The following TRAPPC12 variants were observed in gnomAD, a reference collection of about 807,000 sequenced individuals.
TRAPPC12 encodes trafficking protein particle complex subunit 12.
TRAPPC12 carries 61 observed loss-of-function variants against 69.2 expected under a neutral mutation model. That is an observed-to-expected ratio of 0.88 (90% confidence interval 0.72 to 1.09). TRAPPC12 has a LOEUF of 1.09. Ranked by LOEUF, TRAPPC12 falls within the 50% of genes least tolerant of loss-of-function variation. The pLI, the probability that TRAPPC12 is intolerant of heterozygous loss-of-function variation, is 0.00. For synonymous variants in TRAPPC12, 469 were observed against 438.9 expected, an observed-to-expected ratio of 1.07 and a Z score of -0.86; for missense variants, 1,101 against 1,016.4, an observed-to-expected ratio of 1.08 and a Z score of -1.13.
chr2:3,430,413 C>T (rs914927886), intron 5 of TRAPPC12, among the ~76,000 whole-genome samples: 6 of 152,216 alleles, frequency 3.9e-5, no homozygotes, highest in Admixed American at 2.6e-4. Flanking sequence ...TACCTCCTGT[C>T]GCAACTGACG....
intron 5 of TRAPPC12, among the ~76,000 whole-genome samples, chr2:3,435,962 C>T (rs550426920): frequency 1.3e-5 from 2 of 152,268 alleles, no homozygotes; most frequent in Admixed American, 6.5e-5. Context: ...TTGATATTAC[C>T]TGATAACCTT....
At chr2:3,387,291 T>A (rs999111644) in intron 1 of TRAPPC12, among the ~76,000 whole-genome samples, 1 of 152,144 alleles carries the variant, frequency 6.6e-6, no homozygotes, top group Non-Finnish European at 1.5e-5. Context: ...AAGACAGTTA[T>A]CGGGTGATTC....
Position 3,388,512 on chromosome 2 carries a change from GC to G in TRAPPC12, c.892del (p.Leu298Ter). ...FAGSDDPFAT[A>X]LSMSEMDRRN... ...AGGGAGTGACGACCCCTTTGCCACC[GC>G]CCTGAGCATGAGCGAGATGGACCGG... On this transcript the variant is annotated frameshift_variant, in exon 2 of 12. Transcript: ENST00000324266. LOFTEE classifies it high-confidence loss of function. 6.2e-7 allele frequency: 1 copy of G among 1,612,952 alleles called. No individual in the cohort carries two copies. Among genetic ancestry groups the G allele is most frequent in the South Asian group, 1.1e-5 (1 of 91,054 alleles).
chr2:3,392,088 T>A (rs1660858211), intron 2 of TRAPPC12, among the ~76,000 whole-genome samples: 1 of 152,106 alleles, frequency 6.6e-6, no homozygotes, highest in Non-Finnish European at 1.5e-5. Context: ...ACAAAAGGGC[T>A]GGGGTGAGCA....
chr2:3,477,154 T>C (rs1290182529), intron 9 of TRAPPC12, among the ~76,000 whole-genome samples: 2 of 152,228 alleles, frequency 1.3e-5, no homozygotes, highest in Non-Finnish European at 2.9e-5. Context: ...CGGCTGCATT[T>C]CAGTCGGGCA....
intron 9 of TRAPPC12, chr2:3,472,372 C>A (rs1407095176): frequency 6.6e-6 from 1 of 152,274 alleles, no homozygotes; most frequent in African/African-American, 2.4e-5. Flanking sequence ...GTACCAGCAT[C>A]CCTCAGGTTG....
intron 8 of TRAPPC12, among the ~76,000 whole-genome samples, 196 bp from the exon 9 acceptor site, chr2:3,465,401 G>A (rs1160144128): frequency 3.4e-5 from 5 of 145,916 alleles, no homozygotes; most frequent in African/African-American, 5.6e-5. Flanking sequence ...TCAGAATCCC[G>A]GCCCGACTGC....
chr2:3,476,976 C>A (rs1237745283), intron 9 of TRAPPC12, among the ~76,000 whole-genome samples: 1 of 152,226 alleles, frequency 6.6e-6, no homozygotes, highest in Non-Finnish European at 1.5e-5. Context: ...TCATTTGTAT[C>A]TATTTCTTAT....
intron 6 of TRAPPC12, chr2:3,456,491 G>A (rs1572188876): frequency 6.6e-6 from 1 of 152,238 alleles, no homozygotes. Flanking sequence ...AAACGTATTT[G>A]GTACGTTAAA....
chr2:3,381,516 G>A (rs572438423), intron 1 of TRAPPC12, among the ~76,000 whole-genome samples: 58 of 152,304 alleles, frequency 3.8e-4, no homozygotes, highest in Non-Finnish European at 4.4e-5. Flanking sequence ...GCACTGTGAT[G>A]TAAAGCTTCT....
intron 3 of TRAPPC12, among the ~76,000 whole-genome samples, chr2:3,402,857 A>G (rs912026451): frequency 1.3e-5 from 2 of 152,180 alleles, no homozygotes; most frequent in African/African-American, 2.4e-5. Context: ...GGGCTGTGGA[A>G]TTGCTCTGCT....
At position 3,421,967 on chromosome 2, in the gene TRAPPC12, C is replaced by T; in HGVS notation, c.1251C>T (p.Leu417=). 5.6e-6 allele frequency: 9 copies of T among 1,613,212 alleles called. No homozygotes were observed. Among genetic ancestry groups the T allele is most frequent in the South Asian group, 1.1e-5 (1 of 90,928 alleles). The change falls in exon 4 of 12, where the codon CTC becomes CTT. Residue 417 remains leucine, a synonymous_variant. Coordinates refer to ENST00000324266, the MANE Select transcript of TRAPPC12 (RefSeq NM_016030.6). ...AGGGCTACGGCAAGAGCGGGCTGCT[C>T]ACCAGCCACACGACAGATTCACTGC... is the stretch of plus-strand genomic sequence containing the variant. The part of the protein sequence containing the change: ...HGQGYGKSGL[L]TSHTTDSLQL...
chr2:3,447,820 C>CA (rs1191407325), intron 6 of TRAPPC12, among the ~76,000 whole-genome samples: 2 of 152,202 alleles, frequency 1.3e-5, no homozygotes, highest in Non-Finnish European at 2.9e-5. Flanking sequence ...AGAGAGAGGT[C>CA]AGACCAGAGA....
intron 2 of TRAPPC12, among the ~76,000 whole-genome samples, chr2:3,396,551 C>G (rs1304117668): frequency 2.6e-5 from 4 of 151,992 alleles, no homozygotes; most frequent in African/African-American, 9.7e-5. Context: ...TGTTTTTTCT[C>G]TCTCCTACTT....
intron 5 of TRAPPC12, among the ~76,000 whole-genome samples, chr2:3,435,652 G>A (rs777908600): frequency 1.3e-5 from 2 of 152,204 alleles, no homozygotes; most frequent in African/African-American, 2.4e-5. Context: ...CAGAGTCCAC[G>A]AGTACAAGCA....
chr2:3,471,704 A>C (rs1011765082), intron 9 of TRAPPC12, among the ~76,000 whole-genome samples: 9 of 152,194 alleles, frequency 5.9e-5, no homozygotes, highest in East Asian at 5.8e-4. Context: ...CAAACAGAAG[A>C]AGCATTATAT....
chr2:3,383,128 T>C (rs1187096755), intron 1 of TRAPPC12, among the ~76,000 whole-genome samples: 1 of 152,230 alleles, frequency 6.6e-6, no homozygotes, highest in Non-Finnish European at 1.5e-5. Context: ...ATTTTTCTAA[T>C]GGATCATTTA....
intron 5 of TRAPPC12, among the ~76,000 whole-genome samples, chr2:3,435,805 G>C (rs79083907): frequency 2.0e-5 from 3 of 152,026 alleles, no homozygotes; most frequent in African/African-American, 2.4e-5. Context: ...TCTAATGAGG[G>C]ACATTTTCCT....
Position 3,393,963 on chromosome 2 carries a change from C to T in TRAPPC12, c.1047+5293C>T, listed in dbSNP as rs1235340758. On this transcript the variant is annotated intron_variant, in intron 2 of 11. Transcript: ENST00000324266. ...AAGGTTTTGGTAAGTCTGTCAGTTA[C>T]GCTGTAGGTTCAGCTGCATTAACAA... Among the ~76,000 whole-genome samples, 6 of 152,188 alleles carry T rather than the reference C, an allele frequency of 3.9e-5. 1 individual carries two copies. Among genetic ancestry groups the T allele is most frequent in the Admixed American group, 1.3e-4 (2 of 15,286 alleles).
Sources: allele counts gnomAD v4.1 joint callset (sites outside exome capture counted in the v4.1 genomes callset), GRCh38; gene constraint gnomAD v4.1.1; transcripts MANE v1.5; gene names NCBI Gene and HGNC (gene_info 2026-07-23, HGNC 2026-07-21).